The following FHIT variants were observed in gnomAD, a reference collection of about 807,000 sequenced individuals.
FHIT encodes the protein bis(5'-adenosyl)-triphosphatase.
FHIT carries 19 observed loss-of-function variants against 17.9 expected under a neutral mutation model. The ratio of observed to expected loss-of-function variants is 1.06; its 90% CI spans 0.74 to 1.56. The LOEUF (loss-of-function observed/expected upper bound fraction) is 1.56. FHIT is among the 40% of genes most tolerant of loss of function. FHIT has a pLI of 0.00. For synonymous variants in FHIT, 81 were observed against 69.7 expected (o/e 1.16, Z -0.81); for missense variants, 248 against 189.2 (o/e 1.31, Z -1.82).
intron 5 of FHIT, among the ~76,000 whole-genome samples, chr3:60,178,735 C>A (rs1406521127): frequency 6.6e-6 from 1 of 152,066 alleles, no homozygotes; most frequent in African/African-American, 2.4e-5. Flanking sequence ...CAATCTGATC[C>A]CATGTGATAT....
chr3:60,086,594 A>T lies in FHIT; in HGVS notation c.104-72442T>A, dbSNP rs540629948. Among the ~76,000 whole-genome samples, 73 of 152,350 alleles carry T rather than the reference A, an allele frequency of 4.8e-4. No individual in the cohort carries two copies. In the South Asian group the frequency reaches 6.4e-3, roughly 13 times the overall value. ...TCATGGGCACTGGGTAAACAGTCCC[A>T]TTCCAAAAGGGAGAAATTGGCCAAA... On this transcript the variant is annotated intron_variant, in intron 5 of 9. Coordinates refer to ENST00000492590, the MANE Select transcript of FHIT (RefSeq NM_002012.4).
At chr3:61,174,524 C>A (rs1026176885) in intron 2 of FHIT, among the ~76,000 whole-genome samples, 1 of 152,026 alleles carries the variant, frequency 6.6e-6, no homozygotes, top group Admixed American at 6.6e-5. Context: ...TTACTCTGGG[C>A]GGGGGGGACC....
intron 5 of FHIT, among the ~76,000 whole-genome samples, chr3:60,483,829 G>A (rs1352298547): frequency 6.6e-6 from 1 of 152,118 alleles, no homozygotes; most frequent in African/African-American, 2.4e-5. Flanking sequence ...TCTGGCCAGG[G>A]CAATCAGGCA....
chr3:60,522,686 C>G (rs2035418173), intron 5 of FHIT, among the ~76,000 whole-genome samples: 1 of 152,190 alleles, frequency 6.6e-6, no homozygotes, highest in Admixed American at 6.5e-5. Context: ...CTGTCAATTA[C>G]ATATTCTGGC....
At chr3:60,925,533 C>T (rs1409035092) in intron 3 of FHIT, among the ~76,000 whole-genome samples, 4 of 152,292 alleles carry the variant, frequency 2.6e-5, no homozygotes, top group African/African-American at 9.6e-5. Flanking sequence ...CACCACCAGG[C>T]CTGCCTTACA....
At chr3:60,451,555 G>A (rs2031747899) in intron 5 of FHIT, among the ~76,000 whole-genome samples, 1 of 152,096 alleles carries the variant, frequency 6.6e-6, no homozygotes, top group Non-Finnish European at 1.5e-5. Flanking sequence ...TTGTATGAAT[G>A]CAAAATCTCA....
chr3:59,767,872 T>TAACA (rs1472634179), intron 8 of FHIT, among the ~76,000 whole-genome samples: 1 of 152,198 alleles, frequency 6.6e-6, no homozygotes, highest in Non-Finnish European at 1.5e-5. Context: ...CCTCCTCATA[T>TAACA]AACAATACAT....
chr3:59,963,713 C>A (rs747611026), intron 7 of FHIT, among the ~76,000 whole-genome samples: 2 of 152,120 alleles, frequency 1.3e-5, no homozygotes, highest in African/African-American at 4.8e-5. Context: ...GTGGTGGAAT[C>A]CCAGTTTTGA....
At chr3:60,571,705 A>G (rs2037391184) in intron 4 of FHIT, among the ~76,000 whole-genome samples, 1 of 152,184 alleles carries the variant, frequency 6.6e-6, no homozygotes, top group East Asian at 1.9e-4. Context: ...AATTATCATT[A>G]CAATAGAGCT....
intron 4 of FHIT, among the ~76,000 whole-genome samples, chr3:60,754,882 A>G (rs2042542632): frequency 6.6e-6 from 1 of 152,168 alleles, no homozygotes; most frequent in Non-Finnish European, 1.5e-5. Flanking sequence ...CTTGCTAACT[A>G]TAACTTCTCC....
At chr3:60,526,096 C>A (rs1399334467) in intron 5 of FHIT, among the ~76,000 whole-genome samples, 1 of 150,748 alleles carries the variant, frequency 6.6e-6, no homozygotes, top group Non-Finnish European at 1.5e-5. Flanking sequence ...GAGTGAGACC[C>A]TGTCTCAAAA....
intron 2 of FHIT, among the ~76,000 whole-genome samples, chr3:61,095,060 A>G (rs2035597902): frequency 6.6e-6 from 1 of 152,194 alleles, no homozygotes; most frequent in South Asian, 2.1e-4. Flanking sequence ...GTATTTGCAA[A>G]GACTATTATA....
At chr3:60,793,866 T>G (rs969759544) in intron 4 of FHIT, among the ~76,000 whole-genome samples, 1 of 152,152 alleles carries the variant, frequency 6.6e-6, no homozygotes, top group South Asian at 2.1e-4. Context: ...GCAGCTCCAA[T>G]TGGTCCTGCA....
chr3:60,653,726 C>A (rs1469406752), intron 4 of FHIT, among the ~76,000 whole-genome samples: 2 of 151,994 alleles, frequency 1.3e-5, no homozygotes, highest in Non-Finnish European at 2.9e-5. Context: ...GACTTAGCAG[C>A]AGCAGGATTG....
chr3:61,210,554 A>T (rs542604154), intron 1 of FHIT, among the ~76,000 whole-genome samples: 25 of 152,232 alleles, frequency 1.6e-4, no homozygotes, highest in African/African-American at 3.1e-4. Context: ...TTGATCTCAG[A>T]CTGCTGTGCT....
intron 4 of FHIT, among the ~76,000 whole-genome samples, chr3:60,691,461 C>A (rs1292469983): frequency 2.0e-5 from 3 of 151,940 alleles, no homozygotes; most frequent in African/African-American, 7.3e-5. Flanking sequence ...CTCCACCTCC[C>A]CAGGCTCAGG....
At chr3:60,308,870 T>C (rs55952211) in intron 5 of FHIT, among the ~76,000 whole-genome samples, 7 of 152,208 alleles carry the variant, frequency 4.6e-5, no homozygotes, top group Non-Finnish European at 1.0e-4. Context: ...AAACAGAGAG[T>C]ATTTAATCAC....
At chr3:60,612,690 C>T (rs1341940035) in intron 4 of FHIT, among the ~76,000 whole-genome samples, 2 of 152,182 alleles carry the variant, frequency 1.3e-5, no homozygotes, top group Non-Finnish European at 2.9e-5. Context: ...TCATTCATCT[C>T]TGGCTAGATA....
chr3:60,084,073 A>C (rs1703399863), intron 5 of FHIT, among the ~76,000 whole-genome samples: 1 of 152,206 alleles, frequency 6.6e-6, no homozygotes, highest in South Asian at 2.1e-4. Flanking sequence ...CACTTTTTTT[A>C]ACAAAATATG....
Sources: gnomAD v4.1 joint callset for allele counts (sites outside exome capture counted in the v4.1 genomes callset) on GRCh38, gnomAD v4.1.1 for gene constraint, MANE v1.5 for transcripts, NCBI Gene and HGNC (gene_info 2026-07-23, HGNC 2026-07-21) for gene names.